The following EFNA5 variants were observed in gnomAD, a reference collection of about 807,000 sequenced individuals.
EFNA5 encodes ephrin-A5.
In EFNA5, 5 loss-of-function variants were observed where a neutral mutation model predicts 22.9. That is an observed-to-expected ratio of 0.22 (90% CI 0.11 to 0.46). The LOEUF (loss-of-function observed/expected upper bound fraction) is 0.46. EFNA5 is among the 20% of genes least tolerant of loss of function. EFNA5 has a pLI of 0.99. For missense variants in EFNA5, 237 were observed against 293.3 expected, an observed-to-expected ratio of 0.81 and a Z score of 1.40; for synonymous variants, 113 against 112.2, an observed-to-expected ratio of 1.01 and a Z score of -0.04.
chr5:107,617,562 G>C (rs1031830918), intron 1 of EFNA5, among the ~76,000 whole-genome samples: 1 of 152,180 alleles, frequency 6.6e-6, no homozygotes, highest in Non-Finnish European at 1.5e-5. Context: ...AATGAAGCGG[G>C]AAAGTAAGTA....
At chr5:107,410,291 A>G (rs1166682432) in intron 2 of EFNA5, among the ~76,000 whole-genome samples, 2 of 152,112 alleles carry the variant, frequency 1.3e-5, no homozygotes, top group Non-Finnish European at 2.9e-5. Flanking sequence ...CAGCCTCCCA[A>G]TAAGTGACAT....
intron 1 of EFNA5, among the ~76,000 whole-genome samples, chr5:107,539,434 C>T (rs1747996956): frequency 1.3e-5 from 2 of 152,066 alleles, no homozygotes; most frequent in South Asian, 4.1e-4. Context: ...GAGATTTAAG[C>T]AGGGGAAGGA....
intron 1 of EFNA5, among the ~76,000 whole-genome samples, chr5:107,455,718 C>T (rs1355331392): frequency 6.6e-6 from 1 of 152,156 alleles, no homozygotes; most frequent in Non-Finnish European, 1.5e-5. Flanking sequence ...GGACAATGCA[C>T]AGACATGAGG....
intron 1 of EFNA5, among the ~76,000 whole-genome samples, chr5:107,530,645 T>C (rs1279312360): frequency 6.6e-6 from 1 of 152,044 alleles, no homozygotes; most frequent in East Asian, 1.9e-4. Flanking sequence ...CAAGGCAGAG[T>C]GAGAAGAAGG....
intron 1 of EFNA5, among the ~76,000 whole-genome samples, chr5:107,478,864 T>C (rs1250820551): frequency 6.6e-6 from 1 of 152,206 alleles, no homozygotes; most frequent in African/African-American, 2.4e-5. Context: ...CTTTTCGTTT[T>C]ATTTATGGAA....
At chr5:107,401,608 G>T (rs1367634769) in intron 2 of EFNA5, among the ~76,000 whole-genome samples, 1 of 152,172 alleles carries the variant, frequency 6.6e-6, no homozygotes, top group African/African-American at 2.4e-5. Context: ...GTTGCAGGAG[G>T]GGGAGGTAAA....
At chr5:107,481,407 T>C (rs1175481571) in intron 1 of EFNA5, among the ~76,000 whole-genome samples, 2 of 152,168 alleles carry the variant, frequency 1.3e-5, no homozygotes, top group Non-Finnish European at 2.9e-5. Context: ...GAGAAGTTTG[T>C]TATTAAAATG....
intron 1 of EFNA5, among the ~76,000 whole-genome samples, chr5:107,469,255 C>A (rs959293689): frequency 5.9e-5 from 9 of 152,134 alleles, no homozygotes; most frequent in African/African-American, 2.2e-4. Flanking sequence ...CACTTTCAGG[C>A]CCCTAAGAAA....
chr5:107,397,547 C>CA (rs55662415), intron 2 of EFNA5, among the ~76,000 whole-genome samples: 84,146 of 145,786 alleles, frequency 0.58, 24,463 homozygotes, highest in Non-Finnish European at 0.64. Context: ...GACTCCATCT[C>CA]AAAAAAAAAA....
chr5:107,553,277 C>T lies in EFNA5; in HGVS notation c.125+117212G>A, dbSNP rs930880922. Among the ~76,000 whole-genome samples, 4 of 152,364 alleles carry T rather than the reference C, an allele frequency of 2.6e-5. 1 individual carries two copies. Among genetic ancestry groups the T allele is most frequent in the South Asian group, 4.1e-4 (2 of 4,830 alleles). On this transcript the variant is annotated intron_variant, in intron 1 of 4. Coordinates refer to ENST00000333274, the MANE Select transcript of EFNA5 (RefSeq NM_001962.3). ...CACTCACTGCCTGCTCTGCAATCCC[C>T]AGTGACCCTGCCATGGCTCGGCTGT... is the stretch of plus-strand genomic sequence containing the variant.
At chr5:107,455,316 C>T (rs1023218761) in intron 1 of EFNA5, among the ~76,000 whole-genome samples, 11 of 152,174 alleles carry the variant, frequency 7.2e-5, no homozygotes, top group Admixed American at 1.3e-4. Flanking sequence ...GAAACGTGAG[C>T]ATTCTCTACT....
chr5:107,647,214 T>C (rs1488768100), intron 1 of EFNA5, among the ~76,000 whole-genome samples: 1 of 152,158 alleles, frequency 6.6e-6, no homozygotes, highest in Non-Finnish European at 1.5e-5. Flanking sequence ...TTCTATCATA[T>C]TCAATTCTGG....
intron 1 of EFNA5, among the ~76,000 whole-genome samples, chr5:107,538,980 C>T (rs934257740): frequency 6.6e-6 from 1 of 152,150 alleles, no homozygotes; most frequent in Non-Finnish European, 1.5e-5. Context: ...GGAACAAAAG[C>T]GACTGTCACA....
At chr5:107,561,205 T>C (rs1192055612) in intron 1 of EFNA5, among the ~76,000 whole-genome samples, 1 of 151,972 alleles carries the variant, frequency 6.6e-6, no homozygotes, top group Non-Finnish European at 1.5e-5. Flanking sequence ...TTCTAAGAAT[T>C]AACAATTTAA....
At chr5:107,442,962 A>T (rs952199098) in intron 1 of EFNA5, among the ~76,000 whole-genome samples, 1 of 150,708 alleles carries the variant, frequency 6.6e-6, no homozygotes, top group Non-Finnish European at 1.5e-5. Flanking sequence ...AACCCTGTGA[A>T]TTATAAATAT....
At chr5:107,625,912 A>T (rs936531283) in intron 1 of EFNA5, among the ~76,000 whole-genome samples, 1 of 152,230 alleles carries the variant, frequency 6.6e-6, no homozygotes, top group Admixed American at 6.5e-5. Context: ...AAATTACAAT[A>T]TAGAAGATTA....
intron 2 of EFNA5, among the ~76,000 whole-genome samples, chr5:107,393,294 C>T (rs1176524323): frequency 6.6e-6 from 1 of 152,174 alleles, no homozygotes; most frequent in African/African-American, 2.4e-5. Flanking sequence ...TATGAGACTT[C>T]AAACAACTCA....
intron 1 of EFNA5, among the ~76,000 whole-genome samples, chr5:107,569,582 T>TATATAA (rs1554067049): frequency 7.6e-5 from 2 of 26,370 alleles, no homozygotes; most frequent in Non-Finnish European, 2.3e-4. Flanking sequence ...TATATATATA[T>TATATAA]ATATATATAT....
intron 2 of EFNA5, among the ~76,000 whole-genome samples, chr5:107,393,827 T>C (rs1026498256): frequency 2.0e-5 from 3 of 152,210 alleles, no homozygotes; most frequent in East Asian, 1.9e-4. Context: ...TTTAAATCCA[T>C]GGTACTACTG....
Sources: gnomAD v4.1 joint callset for allele counts (sites outside exome capture counted in the v4.1 genomes callset) on GRCh38, gnomAD v4.1.1 for gene constraint, MANE v1.5 for transcripts, NCBI Gene and HGNC (gene_info 2026-07-23, HGNC 2026-07-21) for gene names.